ANGPT1: variants seen among roughly 807,000 people sequenced by gnomAD.
ANGPT1 encodes the protein angiopoietin-1.
Under a neutral mutation model 62.2 loss-of-function variants are expected in ANGPT1, and 17 were observed. The observed-to-expected ratio is 0.27, with a 90% confidence interval of 0.19 to 0.41. The LOEUF is 0.41. Among genes scored for constraint, ANGPT1 ranks in the 10% least tolerant of loss-of-function variants. The pLI, the probability that ANGPT1 is intolerant of heterozygous loss-of-function variation, is 1.00. For missense variants in ANGPT1, 478 were observed against 594.9 expected, an observed-to-expected ratio of 0.80 and a Z score of 2.04; for synonymous variants, 199 against 198.9, an observed-to-expected ratio of 1.00 and a Z score of 0.00.
intron 3 of ANGPT1, among the ~76,000 whole-genome samples, chr8:107,325,401 G>A (rs942068134): frequency 3.3e-5 from 5 of 152,274 alleles, no homozygotes; most frequent in African/African-American, 9.6e-5. Context: ...ATTCATAGGC[G>A]TTATAGTCTA....
Position 107,250,358 on chromosome 8 carries a change from T to C in ANGPT1, c.*1497A>G, listed in dbSNP as rs1813221965. ...CTTAAAATACATTATCCCATAGGAA[T>C]ATTTCCATTGAGTTATTTATGGCAA... On this transcript the variant is annotated 3_prime_UTR_variant, in exon 9 of 9. Transcript: ENST00000517746. 6.6e-6 allele frequency: 1 copy of C among 152,190 alleles called. No homozygotes were observed. Among genetic ancestry groups the C allele is most frequent in the Non-Finnish European group, 1.5e-5 (1 of 68,004 alleles). 9.4% of individuals were successfully genotyped at this position (152,190 alleles called of 1,614,324 possible). A position where few individuals can be genotyped will look rare whatever the true frequency, so the allele number is the denominator to read the frequency against.
At chr8:107,336,513 A>C (rs1033267430) in intron 2 of ANGPT1, 36 of 412,852 alleles carry the variant, frequency 8.7e-5, no homozygotes, top group Admixed American at 5.9e-4. Flanking sequence ...AAAATACAAA[A>C]ACTTAGCCGG....
At chr8:107,302,230 GA>G (rs1370811055) in intron 5 of ANGPT1, among the ~76,000 whole-genome samples, 2 of 151,916 alleles carry the variant, frequency 1.3e-5, no homozygotes, top group Non-Finnish European at 2.9e-5. Flanking sequence ...AAGATTCCAA[GA>G]GCATTGCACA....
At chr8:107,321,646 CAAAG>C (rs1016406554) in intron 4 of ANGPT1, among the ~76,000 whole-genome samples, 1 of 151,928 alleles carries the variant, frequency 6.6e-6, no homozygotes, top group African/African-American at 2.4e-5. Context: ...GGTTAAAAGA[CAAAG>C]AAAGAAGAAA....
chr8:107,389,382 A>C (rs1355804940), intron 1 of ANGPT1, among the ~76,000 whole-genome samples: 3 of 152,080 alleles, frequency 2.0e-5, no homozygotes, highest in Admixed American at 2.0e-4. Flanking sequence ...CGGTTATCCA[A>C]AGTTAGATTA....
chr8:107,300,220 G>A (rs1185921662), intron 5 of ANGPT1, among the ~76,000 whole-genome samples: 1 of 149,720 alleles, frequency 6.7e-6, no homozygotes, highest in Non-Finnish European at 1.5e-5. Flanking sequence ...AACTGTAAAT[G>A]CTCAATACAT....
chr8:107,282,312 T>C (rs2130124273), intron 7 of ANGPT1, among the ~76,000 whole-genome samples: 1 of 151,626 alleles, frequency 6.6e-6, no homozygotes, highest in South Asian at 2.1e-4. Context: ...ACTAACTTCA[T>C]GTCAGCAGCA....
intron 1 of ANGPT1, among the ~76,000 whole-genome samples, chr8:107,414,969 C>A (rs1350854281): frequency 6.6e-6 from 1 of 152,078 alleles, no homozygotes; most frequent in East Asian, 1.9e-4. Context: ...ACACACAAAA[C>A]AGATAATTAC....
At chr8:107,444,564 A>G (rs577427717) in intron 1 of ANGPT1, among the ~76,000 whole-genome samples, 1 of 152,320 alleles carries the variant, frequency 6.6e-6, no homozygotes, top group South Asian at 2.1e-4. Flanking sequence ...AAAATTGTAT[A>G]GGTTTCCAAT....
chr8:107,346,548 C>G (rs1344730321), intron 2 of ANGPT1, among the ~76,000 whole-genome samples: 1 of 152,194 alleles, frequency 6.6e-6, no homozygotes, highest in Non-Finnish European at 1.5e-5. Context: ...CACAAACCGT[C>G]TGCAGGTGCC....
chr8:107,460,933 G>A (rs1812054535), intron 1 of ANGPT1, among the ~76,000 whole-genome samples: 1 of 152,064 alleles, frequency 6.6e-6, no homozygotes, highest in South Asian at 2.1e-4. Flanking sequence ...CAAAAATTAT[G>A]AAGTTCCTTT....
intron 1 of ANGPT1, among the ~76,000 whole-genome samples, chr8:107,369,257 G>A (rs1256977971): frequency 6.6e-6 from 1 of 152,084 alleles, no homozygotes; most frequent in African/African-American, 2.4e-5. Context: ...CACAACCTCT[G>A]CTAGATGCAA....
intron 1 of ANGPT1, among the ~76,000 whole-genome samples, chr8:107,439,460 G>A (rs78164957): frequency 0.035 from 5,353 of 152,162 alleles, 150 homozygotes; most frequent in Middle Eastern, 0.15. Context: ...TTCTCCACAG[G>A]GACAAGAGCC....
chr8:107,269,663 T>C (rs1428845453), intron 7 of ANGPT1, among the ~76,000 whole-genome samples: 2 of 151,842 alleles, frequency 1.3e-5, no homozygotes, highest in Admixed American at 6.6e-5. Flanking sequence ...AAAAACAAAA[T>C]GTTCCTCCAG....
chr8:107,303,490 T>C, intron 4 of ANGPT1, 123 bp from the exon 5 acceptor site: 1 of 775,924 alleles, frequency 1.3e-6, no homozygotes, highest in Non-Finnish European at 2.0e-6. Flanking sequence ...TCGCACATAG[T>C]AAAAAGTCAA....
intron 4 of ANGPT1, among the ~76,000 whole-genome samples, chr8:107,318,175 G>A (rs538881300): frequency 3.9e-5 from 6 of 152,304 alleles, no homozygotes; most frequent in East Asian, 1.9e-4. Flanking sequence ...GCAGATGAAG[G>A]TTAGGCAAAA....
chr8:107,313,707 T>G (rs957129357), intron 4 of ANGPT1, among the ~76,000 whole-genome samples: 6 of 151,942 alleles, frequency 3.9e-5, no homozygotes, highest in African/African-American at 1.4e-4. Context: ...CCTCCCAAAG[T>G]GCTGGGACTA....
chr8:107,471,096 G>A (rs1459855633), intron 1 of ANGPT1, among the ~76,000 whole-genome samples: 2 of 152,036 alleles, frequency 1.3e-5, no homozygotes, highest in African/African-American at 2.4e-5. Context: ...ACATGCCCAC[G>A]TATGTTTATT....
At chr8:107,384,933 T>G (rs1816705352) in intron 1 of ANGPT1, among the ~76,000 whole-genome samples, 1 of 152,130 alleles carries the variant, frequency 6.6e-6, no homozygotes, top group South Asian at 2.1e-4. Flanking sequence ...TGGTTGTAGG[T>G]GTGTGGCTTA....
Sources: allele counts gnomAD v4.1 joint callset (sites outside exome capture counted in the v4.1 genomes callset), GRCh38; gene constraint gnomAD v4.1.1; transcripts MANE v1.5; gene names NCBI Gene and HGNC (gene_info 2026-07-23, HGNC 2026-07-21).